Variants in ADAMTS18 observed in about 807,000 individuals in gnomAD.
ADAMTS18 encodes the protein A disintegrin and metalloproteinase with thrombospondin motifs 18.
ADAMTS18 carries 157 observed loss-of-function variants against 165.9 expected under a neutral mutation model. That is an observed-to-expected ratio of 0.95 (90% CI 0.83 to 1.08). The LOEUF (loss-of-function observed/expected upper bound fraction) is 1.08, where lower values mean the gene tolerates loss of function less well. Ranked by LOEUF, ADAMTS18 falls within the 50% of genes least tolerant of loss-of-function variation. ADAMTS18 has a pLI of 0.00. For synonymous variants in ADAMTS18, 782 were observed against 578.2 expected (o/e 1.35, Z -5.06); for missense variants, 2,040 against 1,534.0 (o/e 1.33, Z -5.51).
At chr16:77,321,789 T>C (rs2056003228) in intron 14 of ADAMTS18, among the ~76,000 whole-genome samples, 1 of 152,196 alleles carries the variant, frequency 6.6e-6, no homozygotes, top group Admixed American at 6.5e-5. Context: ...CCATTCTATA[T>C]ATGTGCAAGT....
chr16:77,374,577 T>C (rs1475674347), intron 3 of ADAMTS18, among the ~76,000 whole-genome samples: 2 of 152,170 alleles, frequency 1.3e-5, no homozygotes, highest in Non-Finnish European at 2.9e-5. Context: ...AAGTGAATTA[T>C]CCCTGAAAGC....
In ADAMTS18 at chr16:77,359,427, T is replaced by A. The variant is rs575905738; in HGVS notation, c.1217-4A>T. 5 of 1,612,312 alleles carry A rather than the reference T, an allele frequency of 3.1e-6. No homozygotes were observed. The African/African-American group carries it at 6.7e-5, about 21-fold the overall frequency. On this transcript the variant is annotated splice_polypyrimidine_tract_variant and splice_region_variant and intron_variant, in intron 7 of 22. Coordinates refer to ENST00000282849, the MANE Select transcript of ADAMTS18 (RefSeq NM_199355.4). ...ATTCCACTGATGGGGGCAAACCCTA[T>A]TGAAAGAGCAGTTTCAAATGTGAAT... is the stretch of plus-strand genomic sequence containing the variant.
intron 4 of ADAMTS18, among the ~76,000 whole-genome samples, chr16:77,367,090 G>A (rs2056806122): frequency 6.6e-6 from 1 of 152,062 alleles, no homozygotes; most frequent in African/African-American, 2.4e-5. Flanking sequence ...TCTCCTTTGT[G>A]TCCTCAAAGG....
intron 3 of ADAMTS18, among the ~76,000 whole-genome samples, chr16:77,407,020 C>T (rs960200016): frequency 2.0e-5 from 3 of 152,000 alleles, no homozygotes; most frequent in African/African-American, 7.2e-5. Context: ...CAGGATTATT[C>T]ATACCCCAGA....
At position 77,409,628 on chromosome 16, in the gene ADAMTS18, T is replaced by A. The variant is rs577441905; in HGVS notation, c.495+21667A>T. On this transcript the variant is annotated intron_variant, in intron 3 of 22. Transcript: ENST00000282849. ...TGACCTACAGTATACACTGAAACCC[T>A]TAAATCAACAGGTTTATGGCATTTA... Among the ~76,000 whole-genome samples the A allele has an allele frequency of 4.6e-5, 7 of 152,260 alleles. No homozygotes were observed. In the South Asian group the frequency reaches 1.5e-3, roughly 32 times the overall value.
At chr16:77,406,784 T>G (rs1391381091) in intron 3 of ADAMTS18, among the ~76,000 whole-genome samples, 1 of 152,094 alleles carries the variant, frequency 6.6e-6, no homozygotes, top group Non-Finnish European at 1.5e-5. Flanking sequence ...GAATATCATT[T>G]TTTTTGCAGC....
At chr16:77,383,768 C>T (rs1358086653) in intron 3 of ADAMTS18, among the ~76,000 whole-genome samples, 1 of 152,122 alleles carries the variant, frequency 6.6e-6, no homozygotes, top group African/African-American at 2.4e-5. Context: ...GTCTTGAACT[C>T]CTGACATCGT....
intron 3 of ADAMTS18, among the ~76,000 whole-genome samples, chr16:77,419,081 G>A (rs988280074): frequency 2.0e-5 from 3 of 152,132 alleles, no homozygotes; most frequent in Non-Finnish European, 4.4e-5. Flanking sequence ...TCCAGGAGGC[G>A]GAGACTGCAG....
chr16:77,284,005 T>G lies in ADAMTS18; in HGVS notation c.3617A>C (p.His1206Pro). 2 of 1,614,112 alleles carry G rather than the reference T, an allele frequency of 1.2e-6. No homozygotes were observed. Among genetic ancestry groups the G allele is most frequent in the Non-Finnish European group, 1.7e-6 (2 of 1,179,958 alleles). The change falls in exon 23 of 23, where the codon CAC (histidine) becomes CCC (proline). Residue 1206 changes from histidine (H) to proline (P), a missense_variant. His to Pro is a moderately conservative substitution (Grantham distance 77, BLOSUM62 -2). Coordinates refer to ENST00000282849, the MANE Select transcript of ADAMTS18 (RefSeq NM_199355.4). ...HLVPQHGVCN[H>P]KFYGKQCCKS... ...GCAGCATTGTTTTCCGTAAAACTTG[T>G]GGTTGCAGACACCATGCTGAGGAAC... is the stretch of plus-strand genomic sequence containing the variant.
chr16:77,417,331 T>C (rs999143079), intron 3 of ADAMTS18, among the ~76,000 whole-genome samples: 11 of 151,852 alleles, frequency 7.2e-5, no homozygotes, highest in Non-Finnish European at 1.3e-4. Flanking sequence ...GAAGAAGGCA[T>C]AGAGGGAAAA....
intron 3 of ADAMTS18, among the ~76,000 whole-genome samples, chr16:77,391,594 G>C (rs2057188445): frequency 6.6e-6 from 1 of 152,048 alleles, no homozygotes; most frequent in Non-Finnish European, 1.5e-5. Context: ...CCAATGGCCA[G>C]GAAGAGGGGG....
intron 11 of ADAMTS18, among the ~76,000 whole-genome samples, chr16:77,338,048 C>T (rs1031488769): frequency 7.9e-5 from 12 of 151,722 alleles, no homozygotes; most frequent in Admixed American, 3.3e-4. Flanking sequence ...GGATTATAGG[C>T]GCCTGCCACT....
chr16:77,334,185 T>TGTTATATATTATATATAATATAC (rs2056244767), intron 12 of ADAMTS18, among the ~76,000 whole-genome samples: 2 of 30,054 alleles, frequency 6.7e-5, no homozygotes, highest in South Asian at 1.1e-3. Flanking sequence ...ATATAATATA[T>TGTTATATATTATATATAATATAC]AGTGTTATAT....
Position 77,325,949 on chromosome 16 carries a change from A to G in ADAMTS18, c.1949T>C (p.Phe650Ser). 1 of 1,614,128 alleles carries G rather than the reference A, an allele frequency of 6.2e-7. No individual in the cohort carries two copies. The highest frequency in any genetic ancestry group is 8.5e-7 in the Non-Finnish European group (1 of 1,180,006). ...ATATTCTGCACACTGTTGAGCCCGA[A>G]AATCCAAGCTATTTTCATTGCAAGG... ...INPCNENSLD[F>S]RAQQCAEYNS... The change falls in exon 13 of 23, where the codon TTT becomes TCT. Residue 650 changes from phenylalanine (F) to serine (S), a missense_variant. Phe to Ser is a radical substitution (Grantham distance 155, BLOSUM62 -2). Transcript: ENST00000282849.
rs1434277582 is a variant in ADAMTS18, at chr16:77,298,029, A to T, written c.2675-614T>A. ...AACCTCTGCCTCCCGGGTTCAAGCG[A>T]TTCTCCTGCCTCAGCCTCCCAGATA... On this transcript the variant is annotated intron_variant, in intron 17 of 22. Coordinates refer to ENST00000282849, the MANE Select transcript of ADAMTS18 (RefSeq NM_199355.4). Among the ~76,000 whole-genome samples, 4 of 140,010 alleles carry T rather than the reference A, an allele frequency of 2.9e-5. No individual in the cohort carries two copies. The Admixed American group carries it at 3.3e-4, about 11-fold the overall frequency. 91.9% of individuals were successfully genotyped at this position (140,010 alleles called of 152,430 possible).
intron 3 of ADAMTS18, among the ~76,000 whole-genome samples, chr16:77,393,568 T>G (rs2057218295): frequency 6.6e-6 from 1 of 152,134 alleles, no homozygotes; most frequent in Non-Finnish European, 1.5e-5. Flanking sequence ...ATGAGTGCCC[T>G]TATAAAAGAG....
intron 3 of ADAMTS18, among the ~76,000 whole-genome samples, chr16:77,425,095 T>C (rs1448845518): frequency 1.3e-5 from 2 of 152,188 alleles, no homozygotes; most frequent in African/African-American, 4.8e-5. Flanking sequence ...CTACCGCCTA[T>C]TGAAATCCAA....
intron 3 of ADAMTS18, among the ~76,000 whole-genome samples, chr16:77,372,409 C>T (rs2056889171): frequency 6.6e-6 from 1 of 152,128 alleles, no homozygotes; most frequent in South Asian, 2.1e-4. Flanking sequence ...TATATATACA[C>T]AATGGAATAC....
chr16:77,353,100 A>G (rs772101446), intron 10 of ADAMTS18, among the ~76,000 whole-genome samples: 10 of 152,140 alleles, frequency 6.6e-5, no homozygotes, highest in African/African-American at 1.4e-4. Flanking sequence ...CAACGACAAC[A>G]ACAACAACAA....
Sources: gnomAD v4.1 joint callset for allele counts (sites outside exome capture counted in the v4.1 genomes callset) on GRCh38, gnomAD v4.1.1 for gene constraint, MANE v1.5 for transcripts, NCBI Gene and HGNC (gene_info 2026-07-23, HGNC 2026-07-21) for gene names.